Variants in PDE10A observed in about 807,000 individuals in gnomAD.
PDE10A encodes cAMP and cAMP-inhibited cGMP 3',5'-cyclic phosphodiesterase 10A.
PDE10A carries 39 observed loss-of-function variants against 97.7 expected under a neutral mutation model. The observed-to-expected ratio is 0.40, with a 90% confidence interval of 0.31 to 0.52. The LOEUF is 0.52. Among genes scored for constraint, PDE10A ranks in the 20% least tolerant of loss-of-function variants. The probability of loss-of-function intolerance (pLI) is 0.56; values close to 1 mark genes in which losing one functional copy is unlikely to be tolerated. For synonymous variants in PDE10A, 371 were observed against 376.8 expected (o/e 0.98, Z 0.18); for missense variants, 731 against 1,047.8 (o/e 0.70, Z 4.17).
chr6:165,347,618 C>T (rs1782401589), intron 18 of PDE10A, among the ~76,000 whole-genome samples: 1 of 152,160 alleles, frequency 6.6e-6, no homozygotes, highest in African/African-American at 2.4e-5. Context: ...CTAGAGTTAA[C>T]AACCTTTACA....
At chr6:165,954,660 C>A (rs993765449) in intron 1 of PDE10A, among the ~76,000 whole-genome samples, 1 of 152,132 alleles carries the variant, frequency 6.6e-6, no homozygotes. Context: ...CTTGGCTGCG[C>A]CTCAGTTGCA....
At chr6:165,617,066 C>T (rs1341587016) in intron 1 of PDE10A, among the ~76,000 whole-genome samples, 1 of 152,186 alleles carries the variant, frequency 6.6e-6, no homozygotes, top group African/African-American at 2.4e-5. Context: ...AAAAGACTGG[C>T]ATATCCTCAA....
At chr6:165,859,719 G>T (rs1370132172) in intron 1 of PDE10A, among the ~76,000 whole-genome samples, 2 of 152,148 alleles carry the variant, frequency 1.3e-5, no homozygotes, top group Admixed American at 6.5e-5. Flanking sequence ...ATATTACATA[G>T]TATGTATTAT....
intron 1 of PDE10A, among the ~76,000 whole-genome samples, chr6:165,622,671 C>T (rs1244788152): frequency 1.3e-5 from 2 of 152,118 alleles, no homozygotes; most frequent in Non-Finnish European, 2.9e-5. Flanking sequence ...CACACACACA[C>T]AAAGTGGGGC....
At chr6:165,835,132 G>A (rs1050274036) in intron 1 of PDE10A, among the ~76,000 whole-genome samples, 7 of 151,066 alleles carry the variant, frequency 4.6e-5, no homozygotes, top group South Asian at 2.1e-4. Flanking sequence ...GGCCGTCCTC[G>A]GATGTGTCAG....
At chr6:165,893,361 G>T (rs1781854717) in intron 1 of PDE10A, among the ~76,000 whole-genome samples, 1 of 152,186 alleles carries the variant, frequency 6.6e-6, no homozygotes, top group Non-Finnish European at 1.5e-5. Context: ...CTTACTATGT[G>T]TTAAGCACTC....
intron 1 of PDE10A, among the ~76,000 whole-genome samples, chr6:165,631,318 T>A (rs987654864): frequency 1.3e-5 from 2 of 152,242 alleles, no homozygotes; most frequent in African/African-American, 4.8e-5. Context: ...CACGTATGTA[T>A]ACAACAATTG....
chr6:165,613,711 T>C (rs543366544), intron 1 of PDE10A, among the ~76,000 whole-genome samples: 1 of 152,292 alleles, frequency 6.6e-6, no homozygotes, highest in African/African-American at 2.4e-5. Flanking sequence ...TGTCAATATG[T>C]AGCACTGAAT....
chr6:165,671,951 C>T lies in PDE10A; in HGVS notation c.-614-128383G>A, dbSNP rs116425985. Among the ~76,000 whole-genome samples, 546 of 152,268 alleles carry T rather than the reference C, an allele frequency of 3.6e-3. 6 individuals carry two copies. Among genetic ancestry groups the T allele is most frequent in the African/African-American group, 0.013 (531 of 41,550 alleles). ...ATTAATATATGCCATGAAACTCTATCCCATCTGTTTTCAGTCAAACTATAT... is the reference window on the plus strand; with the variant it reads ...ATTAATATATGCCATGAAACTCTATTCCATCTGTTTTCAGTCAAACTATAT... On this transcript the variant is annotated intron_variant, in intron 1 of 19. Coordinates refer to the PDE10A transcript ENST00000366882. This position sits in a 1 kb window ranked among gnomAD's most constrained non-coding sequence, Gnocchi z 4.6.
intron 1 of PDE10A, among the ~76,000 whole-genome samples, chr6:165,550,251 C>T (rs952226780): frequency 6.6e-6 from 1 of 152,158 alleles, no homozygotes; most frequent in Non-Finnish European, 1.5e-5. Flanking sequence ...CTCACAGTAA[C>T]TAAACTCAGC....
At chr6:165,961,664 A>C (rs1784364894) in intron 1 of PDE10A, among the ~76,000 whole-genome samples, 1 of 152,198 alleles carries the variant, frequency 6.6e-6, no homozygotes, top group Non-Finnish European at 1.5e-5. Flanking sequence ...TGGCCCCTCC[A>C]AACTTCTGCC....
At chr6:165,449,819 C>T (rs1160480846) in intron 4 of PDE10A, among the ~76,000 whole-genome samples, 4 of 152,058 alleles carry the variant, frequency 2.6e-5, no homozygotes, top group African/African-American at 7.2e-5. Flanking sequence ...TAAAATAGTA[C>T]TTTTCTAACT....
At chr6:165,752,131 A>C (rs1167047301) in intron 1 of PDE10A, among the ~76,000 whole-genome samples, 6 of 1,148 alleles carry the variant, frequency 5.2e-3, no homozygotes, top group East Asian at 0.056. Flanking sequence ...CAACAGAGCA[A>C]AAAAAAAAAA....
intron 17 of PDE10A, among the ~76,000 whole-genome samples, chr6:165,387,079 T>C (rs1424217538): frequency 6.6e-6 from 1 of 152,162 alleles, no homozygotes; most frequent in Non-Finnish European, 1.5e-5. Flanking sequence ...TAAACATATG[T>C]CATTTAAAAA....
chr6:165,928,353 C>A (rs1372006499), intron 1 of PDE10A, among the ~76,000 whole-genome samples: 1 of 152,136 alleles, frequency 6.6e-6, no homozygotes, highest in Non-Finnish European at 1.5e-5. Flanking sequence ...GTTCGTGAAA[C>A]CCACATGAGG....
In PDE10A at chr6:165,943,294, G is replaced by GAAGGAAA. The variant is rs1562810032; in HGVS notation, c.-615+44234_-615+44235insTTTCCTT. ...AGGAAGGAAAGAAAGAAAGAAAGAA[G>GAAGGAAA]GAAAGAAAGAAAGAAGGAAGGAAGG... On this transcript the variant is annotated intron_variant, in intron 1 of 19. Coordinates refer to the PDE10A transcript ENST00000366882. Among the ~76,000 whole-genome samples, 7 of 59,416 alleles carry GAAGGAAA rather than the reference G, an allele frequency of 1.2e-4. 1 individual carries two copies. Among genetic ancestry groups the GAAGGAAA allele is most frequent in the African/African-American group, 5.7e-4 (7 of 12,260 alleles). 39.0% of individuals were successfully genotyped at this position (59,416 alleles called of 152,430 possible).
At chr6:165,386,200 T>C (rs1268823902) in intron 17 of PDE10A, among the ~76,000 whole-genome samples, 3 of 152,178 alleles carry the variant, frequency 2.0e-5, no homozygotes, top group Admixed American at 1.3e-4. Context: ...ACCTCCATTT[T>C]TGATGGCAGC....
chr6:165,952,035 C>T (rs983440538), intron 1 of PDE10A, among the ~76,000 whole-genome samples: 2 of 152,242 alleles, frequency 1.3e-5, no homozygotes, highest in Non-Finnish European at 2.9e-5. Flanking sequence ...TCGCAATAGC[C>T]TCCTGAAATA....
chr6:165,439,983 T>C (rs1790311609), intron 5 of PDE10A, among the ~76,000 whole-genome samples: 1 of 152,198 alleles, frequency 6.6e-6, no homozygotes, highest in African/African-American at 2.4e-5. Context: ...AACATCACTT[T>C]ATTCATGAGA....
Sources: allele counts gnomAD v4.1 joint callset (sites outside exome capture counted in the v4.1 genomes callset), GRCh38; gene constraint gnomAD v4.1.1; non-coding constraint Gnocchi (gnomAD v3.1); transcripts MANE v1.5; gene names NCBI Gene and HGNC (gene_info 2026-07-23, HGNC 2026-07-21).